THEMIS: variants seen among roughly 807,000 people sequenced by gnomAD.
THEMIS encodes the protein protein THEMIS.
THEMIS carries 37 observed loss-of-function variants against 52.6 expected under a neutral mutation model. The observed-to-expected ratio is 0.70, with a 90% CI of 0.54 to 0.93. The LOEUF (loss-of-function observed/expected upper bound fraction) is 0.93. Among genes scored for constraint, THEMIS ranks in the 40% least tolerant of loss-of-function variants. The pLI is 0.00. For synonymous variants in THEMIS, 292 were observed against 272.7 expected (o/e 1.07, Z -0.70); for missense variants, 808 against 763.1 (o/e 1.06, Z -0.69).
At chr6:127,718,893 A>C (rs1774264885) in intron 5 of THEMIS, among the ~76,000 whole-genome samples, 1 of 151,902 alleles carries the variant, frequency 6.6e-6, no homozygotes, top group Non-Finnish European at 1.5e-5. Context: ...GGTTTGGAGC[A>C]GAAACACTTC....
At chr6:127,707,490 G>A (rs766221523), downstream of THEMIS, among the ~76,000 whole-genome samples, 4 of 152,122 alleles carry the variant, frequency 2.6e-5, no homozygotes, top group Non-Finnish European at 5.9e-5. Context: ...GCAGGAACAG[G>A]AAGAATTGTT....
chr6:127,718,970 C>A (rs1452834665), intron 5 of THEMIS, among the ~76,000 whole-genome samples: 1 of 151,492 alleles, frequency 6.6e-6, no homozygotes, highest in Non-Finnish European at 1.5e-5. Context: ...GCTACAAAAC[C>A]AAATAAGGAG....
rs139509621 is a variant in THEMIS, at chr6:127,830,520, C to T, written c.251-586G>A. On this transcript the variant is annotated intron_variant, in intron 2 of 5. Coordinates refer to ENST00000368248, the MANE Select transcript of THEMIS (RefSeq NM_001010923.3). Reference sequence around the variant, plus strand: ...TGGCAATGTGGCAAAACCCCATCTACACAAAGAATACAAAAATTAGCTGGG... The same window carrying T: ...TGGCAATGTGGCAAAACCCCATCTATACAAAGAATACAAAAATTAGCTGGG... Among the ~76,000 whole-genome samples the T allele has an allele frequency of 9.6e-3, 1,450 of 151,704 alleles. 9 individuals carry two copies. Among genetic ancestry groups the T allele is most frequent in the Non-Finnish European group, 0.014 (980 of 67,888 alleles).
intron 4 of THEMIS, among the ~76,000 whole-genome samples, chr6:127,731,374 A>G (rs1383175751): frequency 2.6e-5 from 4 of 152,106 alleles, no homozygotes; most frequent in Admixed American, 1.3e-4. Flanking sequence ...AATATAATAA[A>G]CAGATATGTC....
Position 127,708,873 on chromosome 6 carries a change from A to G in THEMIS, c.*1112T>C, listed in dbSNP as rs1336771897. 1 of 152,052 alleles carries G rather than the reference A, an allele frequency of 6.6e-6. No individual in the cohort carries two copies. 9.4% of individuals were successfully genotyped at this position (152,052 alleles called of 1,614,324 possible). A position where few individuals can be genotyped will look rare whatever the true frequency, so the allele number is the denominator to read the frequency against. On this transcript the variant is annotated 3_prime_UTR_variant, in exon 6 of 6. Transcript: ENST00000368248. ...TGGTACAAAATCAACAAATTTCTCC[A>G]CAAAACATAAAATAATTATGAGATA...
chr6:127,902,383 G>A (rs1781164467), upstream of THEMIS, among the ~76,000 whole-genome samples: 1 of 147,226 alleles, frequency 6.8e-6, no homozygotes, highest in African/African-American at 2.5e-5. Flanking sequence ...CTTGAAAGAT[G>A]ACAGGAATCT....
At chr6:127,721,293 G>T (rs1011977270) in intron 4 of THEMIS, among the ~76,000 whole-genome samples, 22 of 152,014 alleles carry the variant, frequency 1.4e-4, no homozygotes, top group African/African-American at 5.3e-4. Context: ...GATTTTGGTT[G>T]TATGCCATTA....
At chr6:127,868,558 C>G in intron 1 of THEMIS, 1 of 802,346 alleles carries the variant, frequency 1.2e-6, no homozygotes, top group Non-Finnish European at 1.5e-6. Context: ...TTAAAGTGAC[C>G]AGCTCAGGTG....
At chr6:127,733,328 G>A (rs1774874992) in intron 4 of THEMIS, among the ~76,000 whole-genome samples, 1 of 152,068 alleles carries the variant, frequency 6.6e-6, no homozygotes, top group Non-Finnish European at 1.5e-5. Context: ...GTTGTTTCTA[G>A]TGATCTTTAA....
At chr6:127,792,200 C>T (rs1188594754) in intron 4 of THEMIS, among the ~76,000 whole-genome samples, 22 of 152,176 alleles carry the variant, frequency 1.4e-4, no homozygotes, top group Non-Finnish European at 4.4e-5. Context: ...CAGTATTGCT[C>T]TGTCAATGAT....
At chr6:127,875,328 A>C (rs2114401472) in intron 1 of THEMIS, among the ~76,000 whole-genome samples, 1 of 152,380 alleles carries the variant, frequency 6.6e-6, no homozygotes, top group Middle Eastern at 3.4e-3. Flanking sequence ...TGACAGAGAA[A>C]GTCTTTGTCA....
intron 4 of THEMIS, among the ~76,000 whole-genome samples, chr6:127,796,107 T>C (rs185440710): frequency 7.9e-5 from 12 of 152,304 alleles, no homozygotes; most frequent in Non-Finnish European, 1.8e-4. Flanking sequence ...TCAAGGCAAG[T>C]TAACCTTTCT....
At chr6:127,885,490 T>C (rs192694003) in intron 1 of THEMIS, among the ~76,000 whole-genome samples, 62 of 152,208 alleles carry the variant, frequency 4.1e-4, no homozygotes, top group Admixed American at 1.4e-3. Flanking sequence ...AAAAACTATC[T>C]ACTTTTACTA....
rs9482841 is a variant in THEMIS, at chr6:127,806,659, G to A, written c.1758+6224C>T. On this transcript the variant is annotated intron_variant, in intron 4 of 5. Transcript: ENST00000368248. ...TTCCCTAAAATCAGGTGATATTTGCGAATATTTTAGTTTAACCAATTCCTT... is the reference window on the plus strand; with the variant it reads ...TTCCCTAAAATCAGGTGATATTTGCAAATATTTTAGTTTAACCAATTCCTT... Among the ~76,000 whole-genome samples the A allele has an allele frequency of 1.5e-3, 230 of 152,252 alleles. 1 individual carries two copies. Among genetic ancestry groups the A allele is most frequent in the African/African-American group, 4.9e-3 (204 of 41,546 alleles).
chr6:127,755,006 T>A (rs759161798), intron 4 of THEMIS, among the ~76,000 whole-genome samples: 31 of 151,232 alleles, frequency 2.0e-4, no homozygotes, highest in Non-Finnish European at 3.8e-4. Context: ...CTCCGTCACA[T>A]TCATTCTTTT....
chr6:127,698,031 C>T, the THEMIS span, among the ~76,000 whole-genome samples: 1 of 151,904 alleles, frequency 6.6e-6, no homozygotes, highest in Admixed American at 6.6e-5. Flanking sequence ...CTATACAACT[C>T]GCCAATTAAT....
At chr6:127,760,600 C>T (rs2114384472) in intron 4 of THEMIS, among the ~76,000 whole-genome samples, 1 of 152,116 alleles carries the variant, frequency 6.6e-6, no homozygotes, top group South Asian at 2.1e-4. Context: ...GCCAGGGAAA[C>T]ATAGCAATAC....
intron 4 of THEMIS, among the ~76,000 whole-genome samples, chr6:127,752,195 C>A (rs1775666414): frequency 6.6e-6 from 1 of 151,360 alleles, no homozygotes; most frequent in Non-Finnish European, 1.5e-5. Context: ...ACAGTAAATA[C>A]CTACATTAAA....
intron 1 of THEMIS, chr6:127,868,365 T>C (rs1304072305): frequency 2.2e-6 from 2 of 915,288 alleles, no homozygotes; most frequent in African/African-American, 3.6e-5. Context: ...TTGTTTTCCC[T>C]TAATAAAAAT....
Sources: allele counts gnomAD v4.1 joint callset (sites outside exome capture counted in the v4.1 genomes callset), GRCh38; gene constraint gnomAD v4.1.1; transcripts MANE v1.5; gene names NCBI Gene and HGNC (gene_info 2026-07-23, HGNC 2026-07-21).